The following AGPAT5 variants were observed in gnomAD, a reference collection of about 807,000 sequenced individuals.
AGPAT5 encodes 1-acylglycerol-3-phosphate O-acyltransferase 5.
AGPAT5 carries 46 observed loss-of-function variants against 45.6 expected under a neutral mutation model. That is an observed-to-expected ratio of 1.01 (90% CI 0.80 to 1.29). AGPAT5 has a LOEUF of 1.29. AGPAT5 is among the 50% of genes most tolerant of loss of function. The probability of loss-of-function intolerance (pLI) is 0.00; values close to 1 mark genes in which losing one functional copy is unlikely to be tolerated. For missense variants in AGPAT5, 673 were observed against 450.7 expected (o/e 1.49, Z -4.47); for synonymous variants, 272 against 167.0 (o/e 1.63, Z -4.85).
intron 6 of AGPAT5, among the ~76,000 whole-genome samples, chr8:6,750,575 T>A (rs952102337): frequency 2.0e-5 from 3 of 152,092 alleles, no homozygotes; most frequent in Non-Finnish European, 4.4e-5. Context: ...AGAAAAGGGG[T>A]CATTTCCTTC....
At chr8:6,733,347 C>A (rs530630872) in intron 4 of AGPAT5, among the ~76,000 whole-genome samples, 1 of 152,304 alleles carries the variant, frequency 6.6e-6, no homozygotes, top group Admixed American at 6.5e-5. Flanking sequence ...TCCCTCCTCT[C>A]CTCCTGCCCT....
chr8:6,749,760 A>T (rs540373302), intron 6 of AGPAT5, among the ~76,000 whole-genome samples: 13 of 152,254 alleles, frequency 8.5e-5, no homozygotes, highest in Non-Finnish European at 1.9e-4. Flanking sequence ...AGATTAAACA[A>T]GTGTTTATAA....
At chr8:6,725,297 A>G (rs954734654) in intron 2 of AGPAT5, among the ~76,000 whole-genome samples, 1 of 152,086 alleles carries the variant, frequency 6.6e-6, no homozygotes, top group African/African-American at 2.4e-5. Flanking sequence ...TACATTTTTG[A>G]TTGCTAAGCT....
chr8:6,758,094 A>G lies in AGPAT5; in HGVS notation c.*706A>G, dbSNP rs1271509875. 6.6e-6 allele frequency: 1 copy of G among 152,270 alleles called. No individual in the cohort carries two copies. The highest frequency in any genetic ancestry group is 1.5e-5 in the Non-Finnish European group (1 of 68,050). 9.4% of individuals were successfully genotyped at this position (152,270 alleles called of 1,614,324 possible). ...AAGTTTAAAATTGTGACTCTGATTC[A>G]TTATAGCAGAACTTTAAATTTCCCA... On this transcript the variant is annotated 3_prime_UTR_variant, in exon 8 of 8. Coordinates refer to ENST00000285518, the MANE Select transcript of AGPAT5 (RefSeq NM_018361.5).
rs1410570634 is a variant in AGPAT5, at chr8:6,757,167, C to G, written c.874C>G (p.Leu292Val). Residue 292 changes from leucine (L) to valine (V), a missense_variant, in exon 8 of 8, where the codon CTT (leucine) becomes GTT (valine). Coordinates refer to ENST00000285518, the MANE Select transcript of AGPAT5 (RefSeq NM_018361.5). ...HERFEIKDKM[L>V]IEFYESPDPE... is the part of the protein sequence containing the mutation. The stretch of plus-strand genomic sequence containing the variant: ...CTTTTTCCATTCTGGCCATAGGATG[C>G]TTATAGAATTTTATGAGTCACCAGA... 1.2e-6 allele frequency: 2 copies of G among 1,612,328 alleles called. No individual in the cohort carries two copies. The highest frequency in any genetic ancestry group is 1.7e-6 in the Non-Finnish European group (2 of 1,179,302).
Position 6,757,260 on chromosome 8 carries a change from C to G in AGPAT5, c.967C>G (p.Pro323Ala). The G allele has an allele frequency of 6.2e-7, 1 of 1,614,140 alleles. No individual in the cohort carries two copies. Among genetic ancestry groups the G allele is most frequent in the South Asian group, 1.1e-5 (1 of 91,082 alleles). The change falls in exon 8 of 8, where the codon CCA becomes GCA. Residue 323 changes from proline (P) to alanine (A), a missense_variant. Transcript: ENST00000285518. ...NSKLSIKKTL[P>A]SMLILSGLTA... ...CAAATTAAGTATCAAGAAGACTTTA[C>G]CATCAATGTTGATCTTAAGTGGTTT...
At chr8:6,714,615 TC>T (rs1800260681) in intron 1 of AGPAT5, among the ~76,000 whole-genome samples, 1 of 152,246 alleles carries the variant, frequency 6.6e-6, no homozygotes. Context: ...AGTTAAAGTT[TC>T]CCCTACTCCT....
Position 6,741,510 on chromosome 8 carries a change from T to C in AGPAT5, c.496-151T>C, listed in dbSNP as rs1390615389. On this transcript the variant is annotated intron_variant, in intron 4 of 7. Coordinates refer to ENST00000285518, the MANE Select transcript of AGPAT5 (RefSeq NM_018361.5). ...TTAATTGTTGCATTTTGTTTGCCCC[T>C]CTTGAAACGAAGGTCACATGTAAAT... The C allele has an allele frequency of 9.8e-6, 5 of 509,068 alleles. No individual in the cohort carries two copies. The East Asian group carries it at 1.5e-4, about 16-fold the overall frequency. The allele number at this position is 509,068 out of a possible 1,614,324, so 31.5% of individuals were successfully genotyped here. A position where few individuals can be genotyped will look rare whatever the true frequency, so the allele number is the denominator to read the frequency against.
chr8:6,739,257 T>A (rs1017266107), intron 4 of AGPAT5, among the ~76,000 whole-genome samples: 2 of 152,180 alleles, frequency 1.3e-5, no homozygotes, highest in Non-Finnish European at 2.9e-5. Context: ...TTTTCAAAGT[T>A]GTTTTGGCTA....
intron 2 of AGPAT5, among the ~76,000 whole-genome samples, chr8:6,725,429 C>T (rs183118331): frequency 1.9e-4 from 29 of 152,306 alleles, no homozygotes; most frequent in Middle Eastern, 3.4e-3. Context: ...ACTGTTCCAT[C>T]AGAGGAATTG....
chr8:6,720,203 A>G (rs1174724038), intron 1 of AGPAT5, among the ~76,000 whole-genome samples: 1 of 152,182 alleles, frequency 6.6e-6, no homozygotes, highest in African/African-American at 2.4e-5. Flanking sequence ...TCAGTGATCC[A>G]GCTAACCGAG....
intron 1 of AGPAT5, among the ~76,000 whole-genome samples, chr8:6,713,845 T>C (rs956921749): frequency 6.6e-6 from 1 of 152,238 alleles, no homozygotes; most frequent in African/African-American, 2.4e-5. Flanking sequence ...ATTCATACTC[T>C]TAACTGAAAC....
chr8:6,759,644 T>A lies in AGPAT5; in HGVS notation c.*2256T>A, dbSNP rs1054544666. ...GTTTGGATGAAAGTAAAAAAAAAAA[T>A]AAAATCTTTCACTGTCTCTAATGGC... On this transcript the variant is annotated 3_prime_UTR_variant, in exon 8 of 8. Transcript: ENST00000285518. 7 of 151,954 alleles carry A rather than the reference T, an allele frequency of 4.6e-5. No homozygotes were observed. The highest frequency in any genetic ancestry group is 7.4e-5 in the Non-Finnish European group (5 of 67,962). 9.4% of individuals were successfully genotyped at this position (151,954 alleles called of 1,614,324 possible).
At chr8:6,711,422 C>G (rs1239042372) in intron 1 of AGPAT5, among the ~76,000 whole-genome samples, 1 of 152,220 alleles carries the variant, frequency 6.6e-6, no homozygotes, top group Non-Finnish European at 1.5e-5. Context: ...TAGGTCCTTC[C>G]AGAATCTCTC....
At chr8:6,712,221 T>A (rs1405346577) in intron 1 of AGPAT5, among the ~76,000 whole-genome samples, 1 of 152,218 alleles carries the variant, frequency 6.6e-6, no homozygotes, top group Non-Finnish European at 1.5e-5. Context: ...TAGTTTCTTA[T>A]TTACAGATTT....
At chr8:6,742,286 G>A (rs756789635) in intron 5 of AGPAT5, among the ~76,000 whole-genome samples, 2 of 152,134 alleles carry the variant, frequency 1.3e-5, no homozygotes, top group Non-Finnish European at 2.9e-5. Flanking sequence ...ACACAAAGTT[G>A]GTCCACAGTG....
intron 1 of AGPAT5, among the ~76,000 whole-genome samples, chr8:6,713,172 G>C (rs1800209730): frequency 6.6e-6 from 1 of 152,154 alleles, no homozygotes; most frequent in Non-Finnish European, 1.5e-5. Flanking sequence ...GTCTTTCTGT[G>C]TTGCCCAGGC....
chr8:6,715,276 T>C (rs1800284264), intron 1 of AGPAT5, among the ~76,000 whole-genome samples: 2 of 152,192 alleles, frequency 1.3e-5, no homozygotes, highest in Admixed American at 6.5e-5. Context: ...GTGACATTTG[T>C]GTGGAGCTCT....
rs760687846 is a variant in AGPAT5 at position 6,708,714 on chromosome 8, C to T, written c.46C>T (p.Leu16=). 5 of 1,606,152 alleles carry T rather than the reference C, an allele frequency of 3.1e-6. No individual in the cohort carries two copies. The East Asian group carries it at 6.7e-5, about 21-fold the overall frequency. The change falls in exon 1 of 8, where the codon CTG becomes TTG. Residue 16 remains leucine (L), a synonymous_variant. Transcript: ENST00000285518. ...CCACACGTACTCCATGCGCTACCTG[C>T]TGCCCAGCGTCGTGCTCCTGGGCAC... ...VLHTYSMRYL[L]PSVVLLGTAP...
Sources: gnomAD v4.1 joint callset for allele counts (sites outside exome capture counted in the v4.1 genomes callset) on GRCh38, gnomAD v4.1.1 for gene constraint, MANE v1.5 for transcripts, NCBI Gene and HGNC (gene_info 2026-07-23, HGNC 2026-07-21) for gene names.